The following PHF14 variants were observed in gnomAD, a reference collection of about 807,000 sequenced individuals.
PHF14 encodes the protein PHD finger protein 14.
In PHF14, 55 loss-of-function variants were observed where a neutral mutation model predicts 117.9. That is an observed-to-expected ratio of 0.47 (90% CI 0.38 to 0.58). The LOEUF (loss-of-function observed/expected upper bound fraction) is 0.58, where lower values mean the gene tolerates loss of function less well. Among genes scored for constraint, PHF14 ranks in the 20% least tolerant of loss-of-function variants. The pLI is 0.00. For synonymous variants in PHF14, 409 were observed against 368.6 expected (o/e 1.11, Z -1.26); for missense variants, 978 against 1,122.2 (o/e 0.87, Z 1.84).
chr7:10,990,958 AAATCATCAAAGTATGG>A (rs1562564514), intron 4 of PHF14, 111 bp downstream of exon 4: 4 of 683,804 alleles, frequency 5.8e-6, no homozygotes, highest in Non-Finnish European at 9.4e-6. Flanking sequence ...AAATAATGCT[AAATCATCAAAGTATGG>A]ATGCTATTTT....
At chr7:10,974,972 T>A in intron 2 of PHF14, 27 bp downstream of exon 2, 1 of 1,126,066 alleles carries the variant, frequency 8.9e-7, no homozygotes, top group Non-Finnish European at 1.3e-6. Flanking sequence ...CTCTTCCCCT[T>A]TCCCAGCTTT....
intron 7 of PHF14, among the ~76,000 whole-genome samples, chr7:11,033,790 G>A (rs929208773): frequency 6.6e-6 from 1 of 152,026 alleles, no homozygotes; most frequent in East Asian, 1.9e-4. Flanking sequence ...TGGGTATTTG[G>A]GCTGAGGTTC....
chr7:10,990,725 G>A lies in PHF14; in HGVS notation c.923G>A (p.Ser308Asn). The A allele has an allele frequency of 6.4e-7, 1 of 1,553,730 alleles. No homozygotes were observed. Among genetic ancestry groups the A allele is most frequent in the Non-Finnish European group, 8.7e-7 (1 of 1,144,218 alleles). The change falls in exon 4 of 18, where the codon AGT becomes AAT. Residue 308 changes from serine to asparagine, a missense_variant. This residue lies in a region of PHF14 where 414 missense variants were observed against 376.4 expected (regional missense o/e 1.10). Transcript: ENST00000634607. ...SNEDSLILEK[S>N]QNWSSQKMDH... ...TAGGACTCGCTGATTCTTGAGAAGA[G>A]TCAAAACTGGAGCTCTCAAAAAATG...
intron 16 of PHF14, among the ~76,000 whole-genome samples, chr7:11,075,164 C>G (rs868058987): frequency 2.0e-5 from 3 of 152,148 alleles, no homozygotes; most frequent in Middle Eastern, 6.8e-3. Flanking sequence ...GTCTCAAACT[C>G]CTGAGCTCAG....
intron 14 of PHF14, among the ~76,000 whole-genome samples, chr7:11,060,655 C>T (rs1172983797): frequency 6.6e-6 from 1 of 152,118 alleles, no homozygotes; most frequent in Non-Finnish European, 1.5e-5. Context: ...AAGCAAGTCT[C>T]AGTATTGTTC....
intron 17 of PHF14, among the ~76,000 whole-genome samples, chr7:11,151,106 A>T (rs746696863): frequency 6.6e-6 from 1 of 152,208 alleles, no homozygotes; most frequent in Non-Finnish European, 1.5e-5. Context: ...GGTGAAATAT[A>T]AATTTAAATT....
chr7:11,163,013 G>C (rs529052057), intron 17 of PHF14, among the ~76,000 whole-genome samples: 438 of 152,180 alleles, frequency 2.9e-3, no homozygotes, highest in Non-Finnish European at 4.8e-3. Context: ...TTAGAAATTT[G>C]TTACTGCCCT....
intron 17 of PHF14, among the ~76,000 whole-genome samples, chr7:11,129,597 C>G (rs1788031666): frequency 6.7e-6 from 1 of 148,434 alleles, no homozygotes; most frequent in Non-Finnish European, 1.5e-5. Context: ...GACAGTAAAC[C>G]CTTTATTTAC....
chr7:10,992,522 G>A (rs1782497896), intron 4 of PHF14, among the ~76,000 whole-genome samples: 1 of 151,894 alleles, frequency 6.6e-6, no homozygotes, highest in African/African-American at 2.4e-5. Flanking sequence ...AATTAGCCGG[G>A]CGTGGTGGCT....
At chr7:11,006,788 A>C in intron 4 of PHF14, 1 of 803,676 alleles carries the variant, frequency 1.2e-6, no homozygotes, top group South Asian at 1.3e-5. Context: ...ACCTTTCAAC[A>C]CTGCCTTCTT....
intron 16 of PHF14, chr7:11,103,997 C>T: frequency 1.0e-6 from 1 of 984,974 alleles, no homozygotes; most frequent in Non-Finnish European, 1.2e-6. Context: ...TGTTGCTGAA[C>T]TCTGGCTGCT....
At chr7:11,032,008 A>T (rs1000912383) in intron 7 of PHF14, among the ~76,000 whole-genome samples, 4 of 152,090 alleles carry the variant, frequency 2.6e-5, no homozygotes, top group Non-Finnish European at 5.9e-5. Flanking sequence ...TAATCCCAGT[A>T]CTTTGGGAGG....
chr7:11,156,531 A>T (rs1049446204), intron 17 of PHF14, among the ~76,000 whole-genome samples: 2 of 152,062 alleles, frequency 1.3e-5, no homozygotes, highest in Non-Finnish European at 2.9e-5. Flanking sequence ...GTGGTGGCTC[A>T]TGCCTGTAAT....
At chr7:11,107,136 G>T in intron 16 of PHF14, 1 of 984,268 alleles carries the variant, frequency 1.0e-6, no homozygotes, top group Non-Finnish European at 1.2e-6. Context: ...AAACCCTTTG[G>T]AATACTGACT....
intron 17 of PHF14, among the ~76,000 whole-genome samples, chr7:11,161,481 T>C (rs77749069): frequency 0.039 from 5,988 of 151,968 alleles, 258 homozygotes; most frequent in East Asian, 0.11. Context: ...TTTTTAGTCA[T>C]TTACGTCTCT....
At chr7:10,975,854 C>T (rs935448792) in intron 2 of PHF14, among the ~76,000 whole-genome samples, 1 of 152,124 alleles carries the variant, frequency 6.6e-6, no homozygotes, top group African/African-American at 2.4e-5. Flanking sequence ...CACATCTCTC[C>T]TTCTTCTGGT....
chr7:10,980,077 T>C (rs76777262), intron 2 of PHF14, among the ~76,000 whole-genome samples: 16,910 of 152,128 alleles, frequency 0.11, 1,143 homozygotes, highest in African/African-American at 0.2. Context: ...TTAATTGGCA[T>C]TGGCAACTAC....
intron 17 of PHF14, among the ~76,000 whole-genome samples, chr7:11,121,083 CT>C (rs1358764242): frequency 6.6e-6 from 1 of 152,088 alleles, no homozygotes; most frequent in African/African-American, 2.4e-5. Context: ...TATAAGTCCA[CT>C]TTGTCAAGGT....
chr7:11,128,099 C>A (rs1787980389), intron 17 of PHF14, among the ~76,000 whole-genome samples: 1 of 152,152 alleles, frequency 6.6e-6, no homozygotes, highest in Non-Finnish European at 1.5e-5. Context: ...TGGTTTATCT[C>A]AACTGTTTCT....
Sources: gnomAD v4.1 joint callset for allele counts (sites outside exome capture counted in the v4.1 genomes callset) on GRCh38, gnomAD v4.1.1 for gene constraint, gnomAD v4.1.1 regional missense constraint, MANE v1.5 for transcripts, NCBI Gene and HGNC (gene_info 2026-07-23, HGNC 2026-07-21) for gene names.